Variants in DENND2C observed in about 807,000 individuals in gnomAD.
The protein encoded by DENND2C is DENN domain containing 2C, also known as DENN domain-containing protein 2C.
Under a neutral mutation model 112.4 loss-of-function variants are expected in DENND2C, and 72 were observed. The observed-to-expected ratio is 0.64, with a 90% confidence interval of 0.53 to 0.78. DENND2C has a LOEUF of 0.78. DENND2C is among the 30% of genes least tolerant of loss of function. The pLI, the probability that DENND2C is intolerant of heterozygous loss-of-function variation, is 0.00. For missense variants in DENND2C, 992 were observed against 1,113.8 expected, an observed-to-expected ratio of 0.89 and a Z score of 1.56; for synonymous variants, 329 against 381.6, an observed-to-expected ratio of 0.86 and a Z score of 1.61.
Position 114,625,915 on chromosome 1 carries a change from T to G in DENND2C, c.70A>C (p.Lys24Gln). The G allele has an allele frequency of 6.2e-7, 1 of 1,614,124 alleles. No individual in the cohort carries two copies. Among genetic ancestry groups the G allele is most frequent in the Non-Finnish European group, 8.5e-7 (1 of 1,179,988 alleles). Residue 24 changes from lysine (K) to glutamine (Q), a missense_variant, in exon 4 of 21, where the codon AAA becomes CAA. By Grantham distance (53) the Lys-to-Gln change is moderately conservative. Transcript: ENST00000393274. The stretch of plus-strand genomic sequence containing the variant: ...GCCCTTCCTTCCCATTGAGAAATTT[T>G]TTGTTTGATGTTTTTGCAGTGGCTT... ...SRSHCKNIKQ[K>Q]ISQWEGRANG...
chr1:114,599,958 G>A (rs1655449111), intron 15 of DENND2C, among the ~76,000 whole-genome samples: 1 of 151,360 alleles, frequency 6.6e-6, no homozygotes, highest in Admixed American at 6.6e-5. Context: ...CACACACCGG[G>A]GCCTGTCGTG....
intron 2 of DENND2C, among the ~76,000 whole-genome samples, chr1:114,651,701 C>T (rs576152475): frequency 6.6e-6 from 1 of 152,206 alleles, no homozygotes; most frequent in Non-Finnish European, 1.5e-5. Context: ...CACGCCACTG[C>T]ACTCTAGCCT....
At chr1:114,631,493 G>A (rs1200828572) in intron 3 of DENND2C, among the ~76,000 whole-genome samples, 1 of 151,796 alleles carries the variant, frequency 6.6e-6, no homozygotes, top group African/African-American at 2.4e-5. Context: ...ATCAATAGAA[G>A]TAGAACCGGG....
chr1:114,597,099 G>A (rs892887475), intron 16 of DENND2C, among the ~76,000 whole-genome samples: 13 of 152,004 alleles, frequency 8.6e-5, no homozygotes, highest in African/African-American at 2.9e-4. Flanking sequence ...CATCATTTTT[G>A]AAAATGAAAA....
Position 114,585,434 on chromosome 1 carries a change from T to C in DENND2C, c.*166A>G. The stretch of plus-strand genomic sequence containing the variant: ...ACCATTCCCAACAATTCTCCAGTGA[T>C]TACTACAGCAGCAACAGGAGAATCC... On this transcript the variant is annotated 3_prime_UTR_variant, in exon 21 of 21. Transcript: ENST00000393274. 1.5e-6 allele frequency: 1 copy of C among 668,978 alleles called. No individual in the cohort carries two copies. Among genetic ancestry groups the C allele is most frequent in the Non-Finnish European group, 2.6e-6 (1 of 388,558 alleles). The allele number at this position is 668,978 out of a possible 1,614,324, so 41.4% of individuals were successfully genotyped here. A position where few individuals can be genotyped will look rare whatever the true frequency, so the allele number is the denominator to read the frequency against.
chr1:114,592,255 T>C (rs1466028529), intron 18 of DENND2C, among the ~76,000 whole-genome samples: 2 of 152,112 alleles, frequency 1.3e-5, no homozygotes, highest in Non-Finnish European at 2.9e-5. Flanking sequence ...ACAAATCAAG[T>C]TTCCTTATGT....
chr1:114,599,581 T>C (rs1655437154), intron 15 of DENND2C, 130 bp from the exon 16 acceptor site: 2 of 699,520 alleles, frequency 2.9e-6, no homozygotes, highest in South Asian at 1.0e-4. Context: ...CAAACAGTCA[T>C]TAATTTTTTA....
Position 114,599,271 on chromosome 1 carries a change from C to T in DENND2C, c.2283+3G>A. ...AATATTAGGTTCCATTCTTCTATCT[C>T]ACCTCTTCAATGGGTAGGTCCTGGA... On this transcript the variant is annotated splice_donor_region_variant and intron_variant, in intron 16 of 20. Transcript: ENST00000393274. 6.2e-7 allele frequency: 1 copy of T among 1,600,716 alleles called. No homozygotes were observed. Among genetic ancestry groups the T allele is most frequent in the Non-Finnish European group, 8.5e-7 (1 of 1,171,486 alleles).
At chr1:114,638,209 A>G (rs985238781) in intron 3 of DENND2C, among the ~76,000 whole-genome samples, 2 of 152,136 alleles carry the variant, frequency 1.3e-5, no homozygotes, top group South Asian at 2.1e-4. Context: ...GCATCAGAAC[A>G]AATAGGTATC....
At position 114,625,991 on chromosome 1, in the gene DENND2C, A is replaced by G. The variant is rs1206038426; in HGVS notation, c.-7T>C. The stretch of plus-strand genomic sequence containing the variant: ...GAGAAAAACCAACATCCATGTTCCC[A>G]ACTGGGTGAATGACAAGTGATGAAT... On this transcript the variant is annotated 5_prime_UTR_variant, in exon 4 of 21. Coordinates refer to ENST00000393274, the MANE Select transcript of DENND2C (RefSeq NM_001256404.2). 3 of 1,598,860 alleles carry G rather than the reference A, an allele frequency of 1.9e-6. No individual in the cohort carries two copies. Among genetic ancestry groups the G allele is most frequent in the Non-Finnish European group, 2.6e-6 (3 of 1,172,132 alleles).
chr1:114,666,616 C>T (rs1430650089), intron 1 of DENND2C, among the ~76,000 whole-genome samples: 1 of 152,014 alleles, frequency 6.6e-6, no homozygotes, highest in Non-Finnish European at 1.5e-5. Context: ...CCACCACACC[C>T]GTATAATTTT....
chr1:114,586,243 GAA>G, intron 20 of DENND2C, among the ~76,000 whole-genome samples: 1 of 152,248 alleles, frequency 6.6e-6, no homozygotes, highest in South Asian at 2.1e-4. Context: ...AGACTTGTAA[GAA>G]ATCCTCTTTT....
intron 1 of DENND2C, among the ~76,000 whole-genome samples, chr1:114,658,256 G>T (rs576190543): frequency 6.6e-6 from 1 of 152,256 alleles, no homozygotes; most frequent in East Asian, 1.9e-4. Flanking sequence ...AAAAACCTTT[G>T]AGAATATTCA....
intron 10 of DENND2C, 61 bp downstream of exon 10, chr1:114,608,625 A>C: frequency 1.3e-6 from 2 of 1,546,522 alleles, no homozygotes. Context: ...GAGGACAGGA[A>C]ATACATGTAC....
At chr1:114,601,702 C>G (rs1302031914) in intron 12 of DENND2C, 117 bp from the exon 13 acceptor site, 1 of 836,066 alleles carries the variant, frequency 1.2e-6, no homozygotes, top group Non-Finnish European at 1.9e-6. Flanking sequence ...AACCAAGGCT[C>G]TCATCTTTAG....
At chr1:114,608,583 T>G in intron 10 of DENND2C, 103 bp downstream of exon 10, 2 of 1,282,684 alleles carry the variant, frequency 1.6e-6, no homozygotes, top group Non-Finnish European at 2.2e-6. Flanking sequence ...AGAACAGTAT[T>G]GGTAAAAACT....
At chr1:114,588,107 A>T (rs560753681) in intron 18 of DENND2C, among the ~76,000 whole-genome samples, 155 bp from the exon 19 acceptor site, 1 of 152,338 alleles carries the variant, frequency 6.6e-6, no homozygotes, top group East Asian at 1.9e-4. Flanking sequence ...TTCTTTCTGC[A>T]CGACCTAGAA....
At chr1:114,620,933 T>C (rs1353719925) in intron 7 of DENND2C, among the ~76,000 whole-genome samples, 1 of 152,186 alleles carries the variant, frequency 6.6e-6, no homozygotes, top group African/African-American at 2.4e-5. Flanking sequence ...AAAAATTACA[T>C]GTTAAATGAA....
At chr1:114,621,406 T>C (rs1459473649) in intron 7 of DENND2C, among the ~76,000 whole-genome samples, 1 of 152,274 alleles carries the variant, frequency 6.6e-6, no homozygotes, top group South Asian at 2.1e-4. Context: ...TTATTTATTA[T>C]GATTGCTGAT....
Sources: allele counts gnomAD v4.1 joint callset (sites outside exome capture counted in the v4.1 genomes callset), GRCh38; gene constraint gnomAD v4.1.1; transcripts MANE v1.5; gene names NCBI Gene and HGNC (gene_info 2026-07-23, HGNC 2026-07-21).